The following PRKG1 variants were observed in gnomAD, a reference collection of about 807,000 sequenced individuals.
PRKG1 encodes protein kinase cGMP-dependent 1.
In PRKG1, 35 loss-of-function variants were observed where a neutral mutation model predicts 88.1. The observed-to-expected ratio is 0.40, with a 90% CI of 0.30 to 0.53. The LOEUF is 0.53. PRKG1 is among the 20% of genes least tolerant of loss of function. PRKG1 has a pLI of 0.59. For missense variants in PRKG1, 540 were observed against 839.8 expected, an observed-to-expected ratio of 0.64 and a Z score of 4.41; for synonymous variants, 303 against 292.5, an observed-to-expected ratio of 1.04 and a Z score of -0.37.
At chr10:51,424,181 T>G (rs1268352011) in intron 2 of PRKG1, among the ~76,000 whole-genome samples, 21 of 152,158 alleles carry the variant, frequency 1.4e-4, no homozygotes, top group Admixed American at 1.3e-3. Flanking sequence ...GAAAGCAAAC[T>G]GTTATCCAGG....
chr10:51,628,976 AAAACAAAAACAAAAACC>A (rs1454592425), intron 3 of PRKG1, among the ~76,000 whole-genome samples: 69 of 150,592 alleles, frequency 4.6e-4, no homozygotes, highest in African/African-American at 1.7e-3. Flanking sequence ...AAAAAAAAAA[AAAACAAAAACAAAAACC>A]AAAAAAACTG....
intron 1 of PRKG1, among the ~76,000 whole-genome samples, chr10:51,010,778 C>G: frequency 6.6e-6 from 1 of 152,174 alleles, no homozygotes; most frequent in Admixed American, 6.5e-5. Flanking sequence ...TATCAAGTGA[C>G]TCAGTTTTCC....
At chr10:51,470,271 CGTCAT>C (rs1385882381) in intron 3 of PRKG1, among the ~76,000 whole-genome samples, 1 of 151,752 alleles carries the variant, frequency 6.6e-6, no homozygotes, top group Admixed American at 6.6e-5. Flanking sequence ...ATTTTCCTGT[CGTCAT>C]GTCATTTGGA....
intron 2 of PRKG1, among the ~76,000 whole-genome samples, chr10:51,205,127 CTTTTTTTTTT>C (rs58176913): frequency 5.6e-4 from 36 of 64,016 alleles, no homozygotes; most frequent in African/African-American, 5.2e-4. Context: ...ATTTTCTTTT[CTTTTTTTTTT>C]TTTTTTTTTT....
chr10:52,282,784 A>G (rs1247915758), intron 14 of PRKG1, among the ~76,000 whole-genome samples: 44 of 152,254 alleles, frequency 2.9e-4, no homozygotes, highest in Admixed American at 2.0e-3. Context: ...GGACACCACA[A>G]GGTATAAAAC....
At position 51,999,349 on chromosome 10, in the gene PRKG1, A is replaced by G. The variant is rs545413078; in HGVS notation, c.763-55135A>G. Among the ~76,000 whole-genome samples the G allele has an allele frequency of 3.7e-4, 56 of 152,350 alleles. 1 individual carries two copies. The Middle Eastern group carries it at 0.014, about 37-fold the overall frequency. On this transcript the variant is annotated intron_variant, in intron 5 of 17. Transcript: ENST00000373980. ...CTGTTAAGTGACTCACTATTAGAGA[A>G]CAGACCCATATGATGGGCTTTTAGG... is the stretch of plus-strand genomic sequence containing the variant.
intron 1 of PRKG1, among the ~76,000 whole-genome samples, chr10:51,137,243 G>T (rs1433240557): frequency 2.6e-5 from 4 of 152,186 alleles, no homozygotes; most frequent in Admixed American, 6.5e-5. Context: ...GGGGCAGGGT[G>T]GGGGGCAGGG....
At chr10:51,020,612 T>C (rs2132734290) in intron 1 of PRKG1, among the ~76,000 whole-genome samples, 1 of 152,330 alleles carries the variant, frequency 6.6e-6, no homozygotes, top group Middle Eastern at 3.4e-3. Context: ...AGAACTCATA[T>C]TGTATTCTCA....
chr10:51,839,042 C>T lies in PRKG1; in HGVS notation c.698+34352C>T, dbSNP rs149849882. Among the ~76,000 whole-genome samples the T allele has an allele frequency of 3.0e-4, 45 of 152,184 alleles. 3 individuals are homozygous for T. Among genetic ancestry groups the T allele is most frequent in the Middle Eastern group, 6.8e-3 (2 of 294 alleles). ...ATTCTGGTCACATTGATACAGCCTGCCAGAGTGTAAATAGGCTCTGCAGCA... is the reference window on the plus strand; with the variant it reads ...ATTCTGGTCACATTGATACAGCCTGTCAGAGTGTAAATAGGCTCTGCAGCA... On this transcript the variant is annotated intron_variant, in intron 4 of 17. Coordinates refer to ENST00000373980, the MANE Select transcript of PRKG1 (RefSeq NM_006258.4).
intron 6 of PRKG1, among the ~76,000 whole-genome samples, chr10:52,056,328 G>A (rs1482732124): frequency 6.6e-6 from 1 of 152,138 alleles, no homozygotes; most frequent in Non-Finnish European, 1.5e-5. Flanking sequence ...TGACATTCTA[G>A]ATTTGTTTTT....
At chr10:51,350,807 G>A (rs1842224477) in intron 2 of PRKG1, among the ~76,000 whole-genome samples, 1 of 152,142 alleles carries the variant, frequency 6.6e-6, no homozygotes, top group Non-Finnish European at 1.5e-5. Flanking sequence ...GGATACATGT[G>A]CAGAACGTGC....
At chr10:51,626,527 C>CT (rs1309550582) in intron 3 of PRKG1, among the ~76,000 whole-genome samples, 1 of 151,954 alleles carries the variant, frequency 6.6e-6, no homozygotes, top group Non-Finnish European at 1.5e-5. Context: ...ACTTCTGTTT[C>CT]TTTTTTAACT....
chr10:52,084,845 A>G (rs891203592), intron 7 of PRKG1, among the ~76,000 whole-genome samples: 4 of 151,996 alleles, frequency 2.6e-5, no homozygotes, highest in Non-Finnish European at 4.4e-5. Flanking sequence ...CCAGGATCAA[A>G]TATTATATTC....
At chr10:51,876,176 C>T (rs749058609) in intron 4 of PRKG1, among the ~76,000 whole-genome samples, 10 of 152,068 alleles carry the variant, frequency 6.6e-5, no homozygotes, top group South Asian at 2.1e-4. Context: ...ATTTGCCCTC[C>T]CCACATCCAT....
intron 2 of PRKG1, among the ~76,000 whole-genome samples, chr10:51,328,673 T>C (rs1379138575): frequency 1.3e-5 from 2 of 152,336 alleles, no homozygotes; most frequent in South Asian, 2.1e-4. Flanking sequence ...GTGATACTTG[T>C]TATCTTTTGT....
At chr10:51,076,147 TTTTGAAAACTTA>T (rs1352799632) in intron 1 of PRKG1, among the ~76,000 whole-genome samples, 4 of 152,226 alleles carry the variant, frequency 2.6e-5, no homozygotes, top group Non-Finnish European at 5.9e-5. Flanking sequence ...CAATTACTAC[TTTTGAAAACTTA>T]GAGTTATACC....
intron 7 of PRKG1, among the ~76,000 whole-genome samples, chr10:52,073,321 G>C (rs958527476): frequency 3.3e-5 from 5 of 152,052 alleles, no homozygotes; most frequent in African/African-American, 1.2e-4. Context: ...CTAGGGCTTC[G>C]ACATATCTTT....
At chr10:51,332,076 C>A (rs1160338012) in intron 2 of PRKG1, among the ~76,000 whole-genome samples, 1 of 152,102 alleles carries the variant, frequency 6.6e-6, no homozygotes, top group Non-Finnish European at 1.5e-5. Flanking sequence ...GAAAGACTTA[C>A]CTCATCAAAA....
At chr10:52,243,210 C>A (rs1840912800) in intron 9 of PRKG1, among the ~76,000 whole-genome samples, 1 of 151,972 alleles carries the variant, frequency 6.6e-6, no homozygotes. Context: ...TGTAGGGAGG[C>A]CAAAATTGTT....
Sources: gnomAD v4.1 joint callset for allele counts (sites outside exome capture counted in the v4.1 genomes callset) on GRCh38, gnomAD v4.1.1 for gene constraint, MANE v1.5 for transcripts, NCBI Gene and HGNC (gene_info 2026-07-23, HGNC 2026-07-21) for gene names.